The following CCDC125 variants were observed in gnomAD, a reference collection of about 807,000 sequenced individuals.
CCDC125 encodes the protein coiled-coil domain containing 125.
In CCDC125, 43 loss-of-function variants were observed where a neutral mutation model predicts 57.4. That is an observed-to-expected ratio of 0.75 (90% confidence interval 0.59 to 0.97). CCDC125 has a LOEUF of 0.97. Among genes scored for constraint, CCDC125 ranks in the 50% least tolerant of loss-of-function variants. The pLI, the probability that CCDC125 is intolerant of heterozygous loss-of-function variation, is 0.00. For missense variants in CCDC125, 563 were observed against 595.7 expected, an observed-to-expected ratio of 0.95 and a Z score of 0.57; for synonymous variants, 187 against 195.2, an observed-to-expected ratio of 0.96 and a Z score of 0.35.
chr5:69,326,381 TCC>T (rs1439891636), intron 1 of CCDC125, among the ~76,000 whole-genome samples: 1 of 152,206 alleles, frequency 6.6e-6, no homozygotes, highest in African/African-American at 2.4e-5. Context: ...CAAGATTATT[TCC>T]TTAAAAAGGA....
intron 1 of CCDC125, among the ~76,000 whole-genome samples, chr5:69,321,477 T>C (rs1220118181): frequency 6.6e-6 from 1 of 152,226 alleles, no homozygotes; most frequent in Non-Finnish European, 1.5e-5. Flanking sequence ...CTAGATGGTA[T>C]AGCCTACTAT....
intron 11 of CCDC125, among the ~76,000 whole-genome samples, chr5:69,284,770 G>A (rs559547600): frequency 1.3e-5 from 2 of 152,212 alleles, no homozygotes; most frequent in South Asian, 4.1e-4. Flanking sequence ...ACTGGAAGAA[G>A]AAGAATTGTC....
At chr5:69,293,377 C>T (rs1391434273) in intron 9 of CCDC125, among the ~76,000 whole-genome samples, 2 of 152,066 alleles carry the variant, frequency 1.3e-5, no homozygotes, top group South Asian at 2.1e-4. Context: ...TTTGGCTGGG[C>T]TCAGTGGCTC....
At chr5:69,275,453 C>G (rs1752019275), downstream of CCDC125, among the ~76,000 whole-genome samples, 1 of 151,928 alleles carries the variant, frequency 6.6e-6, no homozygotes, top group Admixed American at 6.6e-5. Context: ...CTGTAGAGTT[C>G]AATATGTAGA....
Position 69,294,908 on chromosome 5 carries a change from T to C in CCDC125, c.817-8A>G, listed in dbSNP as rs1392649270. 6.2e-7 allele frequency: 1 copy of C among 1,606,680 alleles called. No homozygotes were observed. Among genetic ancestry groups the C allele is most frequent in the African/African-American group, 1.3e-5 (1 of 74,680 alleles). Reference sequence around the variant, plus strand: ...GGCTCCGAGGACCGCAAGCTTTAAATTGAAAAGCATTGCTCCTGTTATTAA... The same window carrying C: ...GGCTCCGAGGACCGCAAGCTTTAAACTGAAAAGCATTGCTCCTGTTATTAA... On this transcript the variant is annotated splice_region_variant and splice_polypyrimidine_tract_variant and intron_variant, in intron 8 of 11. Transcript: ENST00000396496.
At chr5:69,287,643 C>G (rs577176229) in intron 10 of CCDC125, among the ~76,000 whole-genome samples, 211 of 151,728 alleles carry the variant, frequency 1.4e-3, no homozygotes, top group African/African-American at 5.0e-3. Flanking sequence ...GATCATGACT[C>G]ACTGCAGCCT....
chr5:69,324,380 G>A (rs1429870867), intron 1 of CCDC125, among the ~76,000 whole-genome samples: 1 of 152,158 alleles, frequency 6.6e-6, no homozygotes, highest in African/African-American at 2.4e-5. Flanking sequence ...CTCATACATT[G>A]GTGATGTGAG....
intron 10 of CCDC125, among the ~76,000 whole-genome samples, chr5:69,288,859 T>C (rs532266024): frequency 6.6e-6 from 1 of 152,292 alleles, no homozygotes; most frequent in Non-Finnish European, 1.5e-5. Context: ...AGCTGGTGTG[T>C]GGGGAATCCC....
At chr5:69,277,809 C>T (rs544750449), downstream of CCDC125, among the ~76,000 whole-genome samples, 137 of 151,686 alleles carry the variant, frequency 9.0e-4, no homozygotes, top group Middle Eastern at 0.01. Flanking sequence ...GTAAATACTA[C>T]CCAAACTTAA....
intron 2 of CCDC125, among the ~76,000 whole-genome samples, chr5:69,318,459 A>T (rs1436699206): frequency 1.3e-4 from 19 of 151,234 alleles, no homozygotes; most frequent in East Asian, 2.0e-4. Context: ...AAAAAAGAAA[A>T]AGGCCAGGCA....
At chr5:69,276,819 G>A (rs552175005), downstream of CCDC125, 8 of 839,070 alleles carry the variant, frequency 9.5e-6, no homozygotes, top group African/African-American at 3.5e-5. Flanking sequence ...AAATTTAATT[G>A]TATAAAGTAG....
intron 6 of CCDC125, among the ~76,000 whole-genome samples, chr5:69,304,659 A>T (rs183619178): frequency 1.1e-4 from 17 of 152,020 alleles, no homozygotes; most frequent in Middle Eastern, 3.4e-3. Context: ...TCCTGACTTC[A>T]AGTGATCTGC....
intron 2 of CCDC125, among the ~76,000 whole-genome samples, chr5:69,319,900 C>A (rs1267105233): frequency 6.6e-6 from 1 of 151,780 alleles, no homozygotes; most frequent in Non-Finnish European, 1.5e-5. Context: ...GCAGGCAAAT[C>A]ATTTGAGGTC....
Position 69,282,348 on chromosome 5 carries a change from G to A in CCDC125, c.*381C>T, listed in dbSNP as rs1752558493. ...AGGCCAAGGCAGGCGGATCACTTGA[G>A]GTCAGGAGTTCAAGATCAGCCTGGC... On this transcript the variant is annotated 3_prime_UTR_variant, in exon 12 of 12. Coordinates refer to ENST00000396496, the MANE Select transcript of CCDC125 (RefSeq NM_176816.5). 6.2e-6 allele frequency: 1 copy of A among 161,166 alleles called. No individual in the cohort carries two copies. The highest frequency in any genetic ancestry group is 1.3e-5 in the Non-Finnish European group (1 of 74,350). The allele number at this position is 161,166 out of a possible 1,614,324, so 10.0% of individuals were successfully genotyped here.
chr5:69,312,988 C>G (rs1758405085), intron 3 of CCDC125, among the ~76,000 whole-genome samples: 1 of 152,056 alleles, frequency 6.6e-6, no homozygotes, highest in South Asian at 2.1e-4. Flanking sequence ...ATATACAGAA[C>G]TAAACAGACA....
At chr5:69,300,274 A>G in intron 7 of CCDC125, 147 bp from the exon 8 acceptor site, 1 of 634,192 alleles carries the variant, frequency 1.6e-6, no homozygotes, top group Admixed American at 2.6e-5. Flanking sequence ...TATCTGATAG[A>G]ATAGTGAGTA....
Position 69,298,236 on chromosome 5 carries a change from G to C in CCDC125, c.816+1776C>G, listed in dbSNP as rs866103125. On this transcript the variant is annotated intron_variant, in intron 8 of 11. Transcript: ENST00000396496. ...TCATCATGTTGGCCAGGATGGTCTTGATCTCCTGACCTTGTGATCCGCCCG... is the reference window on the plus strand; with the variant it reads ...TCATCATGTTGGCCAGGATGGTCTTCATCTCCTGACCTTGTGATCCGCCCG... Among the ~76,000 whole-genome samples the C allele has an allele frequency of 1.6e-3, 243 of 152,064 alleles. 1 individual carries two copies. The highest frequency in any genetic ancestry group is 5.8e-3 in the African/African-American group (239 of 41,498).
At chr5:69,287,024 A>G (rs1753614922) in intron 10 of CCDC125, among the ~76,000 whole-genome samples, 1 of 151,710 alleles carries the variant, frequency 6.6e-6, no homozygotes, top group South Asian at 2.1e-4. Flanking sequence ...CCCAAAAGCA[A>G]AAATACAAAG....
chr5:69,306,536 C>T (rs1036299901), intron 6 of CCDC125, among the ~76,000 whole-genome samples: 3 of 152,122 alleles, frequency 2.0e-5, no homozygotes, highest in East Asian at 1.9e-4. Flanking sequence ...ACATGTTGCC[C>T]AGGCTGGTCT....
Sources: gnomAD v4.1 joint callset for allele counts (sites outside exome capture counted in the v4.1 genomes callset) on GRCh38, gnomAD v4.1.1 for gene constraint, MANE v1.5 for transcripts, NCBI Gene and HGNC (gene_info 2026-07-23, HGNC 2026-07-21) for gene names.